RBFOX1: variants seen among roughly 807,000 people sequenced by gnomAD.
The protein encoded by RBFOX1 is RNA binding protein fox-1 homolog 1.
Under a neutral mutation model 57.7 loss-of-function variants are expected in RBFOX1, and 8 were observed. That is an observed-to-expected ratio of 0.14 (90% CI 0.08 to 0.25). The LOEUF is 0.25. Ranked by LOEUF, RBFOX1 falls within the 10% of genes least tolerant of loss-of-function variation. The pLI, the probability that RBFOX1 is intolerant of heterozygous loss-of-function variation, is 1.00. For missense variants in RBFOX1, 611 were observed against 548.5 expected, an observed-to-expected ratio of 1.11 and a Z score of -1.14; for synonymous variants, 326 against 222.4, an observed-to-expected ratio of 1.47 and a Z score of -4.15.
intron 2 of RBFOX1, among the ~76,000 whole-genome samples, chr16:6,632,768 G>A (rs1166674838): frequency 1.3e-5 from 2 of 152,206 alleles, no homozygotes; most frequent in Non-Finnish European, 2.9e-5. Flanking sequence ...TGACCTCAAA[G>A]AGTGACTTAG....
intron 14 of RBFOX1, among the ~76,000 whole-genome samples, chr16:7,677,160 C>CACACACACACACACACACACACA (rs1555762483): frequency 1.2e-4 from 18 of 151,320 alleles, no homozygotes; most frequent in South Asian, 2.1e-4. Flanking sequence ...CACACACACA[C>CACACACACACACACACACACACA]CGTACAACCT....
At chr16:5,338,084 A>T (rs1276249288) in intron 1 of RBFOX1, among the ~76,000 whole-genome samples, 1 of 152,088 alleles carries the variant, frequency 6.6e-6, no homozygotes, top group East Asian at 1.9e-4. Context: ...TCTTCTAGGG[A>T]TAGAGGGTGA....
chr16:7,007,097 G>A (rs1596746311), intron 3 of RBFOX1, among the ~76,000 whole-genome samples: 1 of 152,274 alleles, frequency 6.6e-6, no homozygotes, highest in African/African-American at 2.4e-5. Context: ...GTCAATGGTT[G>A]GCTGTATGGA....
rs773426117 is a variant in RBFOX1 at position 6,019,876 on chromosome 16, C to A, written c.-243C>A. ...GCGGACAGTGCGTGAGAAACCAGCA[C>A]CCCCTTCCGCCGCCTCCAGCTTATG... On this transcript the variant is annotated 5_prime_UTR_variant, in exon 1 of 16. Coordinates refer to ENST00000550418, the MANE Select transcript of RBFOX1 (RefSeq NM_018723.4). This position sits in a 1 kb window ranked among gnomAD's most constrained non-coding sequence, Gnocchi z 4.2. 10 of 1,534,638 alleles carry A rather than the reference C, an allele frequency of 6.5e-6. No homozygotes were observed. Among genetic ancestry groups the A allele is most frequent in the African/African-American group, 2.7e-5 (2 of 72,996 alleles).
At chr16:5,525,515 T>TTTTTTTA (rs2044208921) in intron 2 of RBFOX1, among the ~76,000 whole-genome samples, 3 of 121,106 alleles carry the variant, frequency 2.5e-5, no homozygotes, top group Non-Finnish European at 3.5e-5. Context: ...TTTTTTTTTT[T>TTTTTTTA]GAGACAGAGT....
At chr16:7,258,195 A>G (rs565144804) in intron 4 of RBFOX1, among the ~76,000 whole-genome samples, 3 of 152,344 alleles carry the variant, frequency 2.0e-5, no homozygotes, top group East Asian at 3.9e-4. Context: ...ACAATGTGCC[A>G]TGTACAGAGA....
chr16:6,656,874 A>ACTCCT (rs1316067107), intron 3 of RBFOX1, among the ~76,000 whole-genome samples: 19 of 134,916 alleles, frequency 1.4e-4, no homozygotes, highest in South Asian at 4.9e-4. Context: ...AAACAAGGTA[A>ACTCCT]CTCCTCTCCT....
At position 6,823,867 on chromosome 16, in the gene RBFOX1, G is replaced by T. The variant is rs546625995; in HGVS notation, c.-16+169217G>T. Among the ~76,000 whole-genome samples, 6 of 152,274 alleles carry T rather than the reference G, an allele frequency of 3.9e-5. No homozygotes were observed. The South Asian group carries it at 1.2e-3, about 32-fold the overall frequency. On this transcript the variant is annotated intron_variant, in intron 3 of 15. Transcript: ENST00000550418. ...AGAGGGCTCTGTGCTGTGGGCTGGGGTTGAGGGGATTACAGATTGCTGCAA... is the reference window on the plus strand; with the variant it reads ...AGAGGGCTCTGTGCTGTGGGCTGGGTTTGAGGGGATTACAGATTGCTGCAA...
intron 2 of RBFOX1, among the ~76,000 whole-genome samples, chr16:6,350,701 A>G (rs2086213747): frequency 6.6e-6 from 1 of 152,126 alleles, no homozygotes; most frequent in Non-Finnish European, 1.5e-5. Flanking sequence ...GTCCTAAAGC[A>G]TTGTCCATGG....
chr16:6,037,860 GC>G (rs1382794677), intron 1 of RBFOX1: 1 of 152,158 alleles, frequency 6.6e-6, no homozygotes, highest in East Asian at 1.9e-4. Context: ...CTCCCAAAGT[GC>G]TAGGATTACA....
At chr16:7,679,143 A>C (rs763649) in intron 14 of RBFOX1, among the ~76,000 whole-genome samples, 75,103 of 152,094 alleles carry the variant, frequency 0.49, 19,149 homozygotes, top group Admixed American at 0.54. Flanking sequence ...TGTATTTCTG[A>C]TGTTTTAAAA....
intron 3 of RBFOX1, among the ~76,000 whole-genome samples, chr16:6,736,666 T>C (rs529304979): frequency 6.6e-6 from 1 of 152,332 alleles, no homozygotes; most frequent in South Asian, 2.1e-4. Flanking sequence ...TTCATCTGGG[T>C]AGATACCCAG....
intron 4 of RBFOX1, among the ~76,000 whole-genome samples, chr16:7,136,403 G>GTTTTTT (rs1349942123): frequency 7.3e-6 from 1 of 137,642 alleles, no homozygotes; most frequent in African/African-American, 2.9e-5. Flanking sequence ...ATCATCTTGG[G>GTTTTTT]ATTTTTTTTT....
intron 3 of RBFOX1, among the ~76,000 whole-genome samples, chr16:5,804,923 A>G (rs545118831): frequency 6.0e-4 from 91 of 152,274 alleles, no homozygotes; most frequent in African/African-American, 2.1e-3. Context: ...TTTTGCCACT[A>G]CCAGCATTTC....
chr16:7,081,644 A>G (rs888771443), intron 4 of RBFOX1, among the ~76,000 whole-genome samples: 2 of 152,210 alleles, frequency 1.3e-5, no homozygotes, highest in East Asian at 1.9e-4. Context: ...CCTGTGTTGT[A>G]TATCTCAAGA....
At chr16:5,335,955 A>G (rs187778237) in intron 1 of RBFOX1, among the ~76,000 whole-genome samples, 146 of 152,226 alleles carry the variant, frequency 9.6e-4, no homozygotes, top group Middle Eastern at 3.4e-3. Context: ...GTTTCCTTTA[A>G]TCCTCCCAAT....
chr16:6,766,496 A>G (rs576927923), intron 3 of RBFOX1, among the ~76,000 whole-genome samples: 1 of 152,000 alleles, frequency 6.6e-6, no homozygotes, highest in Admixed American at 6.6e-5. Flanking sequence ...GGAGAGGGGA[A>G]TGAGAAAATA....
At chr16:7,206,111 C>T (rs937103081) in intron 4 of RBFOX1, among the ~76,000 whole-genome samples, 1 of 152,140 alleles carries the variant, frequency 6.6e-6, no homozygotes, top group Non-Finnish European at 1.5e-5. Flanking sequence ...AAGTGCTTAC[C>T]TGATAGTCTA....
At chr16:5,441,515 C>A (rs886224892) in intron 1 of RBFOX1, among the ~76,000 whole-genome samples, 1 of 152,014 alleles carries the variant, frequency 6.6e-6, no homozygotes, top group Non-Finnish European at 1.5e-5. Flanking sequence ...CAGGCATGTG[C>A]CACCATGCCT....
Sources: allele counts gnomAD v4.1 joint callset (sites outside exome capture counted in the v4.1 genomes callset), GRCh38; gene constraint gnomAD v4.1.1; non-coding constraint Gnocchi (gnomAD v3.1); transcripts MANE v1.5; gene names NCBI Gene and HGNC (gene_info 2026-07-23, HGNC 2026-07-21).